Variants in PUS10 observed in about 807,000 individuals in gnomAD.
PUS10 encodes tRNA pseudouridine synthase Pus10.
In PUS10, 59 loss-of-function variants were observed where a neutral mutation model predicts 75.0. That is an observed-to-expected ratio of 0.79 (90% CI 0.64 to 0.98). The LOEUF (loss-of-function observed/expected upper bound fraction) is 0.98. PUS10 is among the 50% of genes least tolerant of loss of function. The pLI, the probability that PUS10 is intolerant of heterozygous loss-of-function variation, is 0.00. For synonymous variants in PUS10, 219 were observed against 211.6 expected (o/e 1.03, Z -0.30); for missense variants, 650 against 614.4 (o/e 1.06, Z -0.61).
At chr2:60,980,143 C>A (rs538820034) in intron 4 of PUS10, among the ~76,000 whole-genome samples, 2 of 152,242 alleles carry the variant, frequency 1.3e-5, no homozygotes, top group East Asian at 1.9e-4. Context: ...ACAGATATGG[C>A]TCAGTACTGT....
At chr2:60,990,532 G>A (rs549389499) in intron 4 of PUS10, among the ~76,000 whole-genome samples, 5 of 152,254 alleles carry the variant, frequency 3.3e-5, no homozygotes, top group South Asian at 4.1e-4. Flanking sequence ...AAATGGGGAC[G>A]AGAACAGTCC....
Position 60,942,196 on chromosome 2 carries a change from C to T in PUS10, c.*199G>A, listed in dbSNP as rs1181704501. 7.7e-5 allele frequency: 39 copies of T among 505,052 alleles called. No homozygotes were observed. The highest frequency in any genetic ancestry group is 2.0e-5 in the African/African-American group (1 of 51,046). 31.3% of individuals were successfully genotyped at this position (505,052 alleles called of 1,614,324 possible). On this transcript the variant is annotated 3_prime_UTR_variant, in exon 18 of 18. Transcript: ENST00000316752. Reference sequence around the variant, plus strand: ...GGAATGAGAAAAATCCTAAGACATCCTTGGAACAATTTAACACAAAATATA... The same window carrying T: ...GGAATGAGAAAAATCCTAAGACATCTTTGGAACAATTTAACACAAAATATA...
chr2:60,967,039 A>T (rs1044098106), intron 6 of PUS10: 1 of 153,670 alleles, frequency 6.5e-6, no homozygotes, highest in Non-Finnish European at 1.4e-5. Flanking sequence ...CTAAAAGTAA[A>T]CAGGGGGATT....
At chr2:60,991,882 T>C (rs1678106533) in intron 4 of PUS10, among the ~76,000 whole-genome samples, 1 of 152,206 alleles carries the variant, frequency 6.6e-6, no homozygotes, top group South Asian at 2.1e-4. Context: ...GCACAGACCA[T>C]ATGACCTCCA....
At chr2:61,001,204 C>T (rs552995262) in intron 4 of PUS10, among the ~76,000 whole-genome samples, 1 of 152,246 alleles carries the variant, frequency 6.6e-6, no homozygotes, top group African/African-American at 2.4e-5. Context: ...CACAAATCTT[C>T]CTTAGCAATT....
Position 61,006,657 on chromosome 2 carries a change from A to C in PUS10, c.382-14T>G. ...CTTTTGGCACACCTGAAAAAGCATT[A>C]CAATTATGTAAATTCCCAGGAATTG... On this transcript the variant is annotated splice_polypyrimidine_tract_variant and intron_variant, in intron 3 of 17. Transcript: ENST00000316752. The C allele has an allele frequency of 6.3e-7, 1 of 1,590,658 alleles. No homozygotes were observed. The highest frequency in any genetic ancestry group is 1.1e-5 in the South Asian group (1 of 88,516).
At chr2:60,954,879 C>T in intron 12 of PUS10, 139 bp downstream of exon 12, 1 of 503,444 alleles carries the variant, frequency 2.0e-6, no homozygotes, top group Middle Eastern at 3.0e-4. Context: ...CCTCCATAAT[C>T]CACAAAGCTT....
chr2:60,978,258 C>T (rs1049620036), intron 4 of PUS10, among the ~76,000 whole-genome samples: 2 of 151,722 alleles, frequency 1.3e-5, no homozygotes, highest in Non-Finnish European at 2.9e-5. Context: ...CCCATCTCTA[C>T]TAAAAATACA....
intron 4 of PUS10, among the ~76,000 whole-genome samples, chr2:60,982,636 A>G (rs1677469260): frequency 6.6e-6 from 1 of 152,156 alleles, no homozygotes; most frequent in African/African-American, 2.4e-5. Flanking sequence ...ATCTAATATC[A>G]TTTTATAAGT....
intron 4 of PUS10, among the ~76,000 whole-genome samples, chr2:60,993,031 G>A (rs1678211224): frequency 6.6e-6 from 1 of 152,178 alleles, no homozygotes; most frequent in Non-Finnish European, 1.5e-5. Context: ...TCTGGAGACT[G>A]CCATATATCC....
In PUS10 at chr2:61,018,232, G is replaced by T. The variant is rs1274716294; in HGVS notation, c.-240C>A. On this transcript the variant is annotated 5_prime_UTR_variant, in exon 1 of 18. Coordinates refer to ENST00000316752, the MANE Select transcript of PUS10 (RefSeq NM_144709.4). The stretch of plus-strand genomic sequence containing the variant: ...TGAGAGCGGCATTTGTCCAGCCACG[G>T]CATCGACAGGGAGCAAAGTCTCTCC... The T allele has an allele frequency of 1.3e-5, 20 of 1,550,984 alleles. No individual in the cohort carries two copies. In the East Asian group the frequency reaches 2.4e-4, roughly 19 times the overall value.
At position 60,941,692 on chromosome 2, in the gene PUS10, T is replaced by C. The variant is rs1345900822; in HGVS notation, c.*703A>G. On this transcript the variant is annotated 3_prime_UTR_variant, in exon 18 of 18. Coordinates refer to ENST00000316752, the MANE Select transcript of PUS10 (RefSeq NM_144709.4). The stretch of plus-strand genomic sequence containing the variant: ...CTTGTTTCTCCTTATTTAAAAGATT[T>C]ATGAAAGGCTCCTACCATGGCATGC... The C allele has an allele frequency of 2.0e-5, 3 of 152,344 alleles. No homozygotes were observed. The highest frequency in any genetic ancestry group is 2.9e-5 in the Non-Finnish European group (2 of 68,008). 9.4% of individuals were successfully genotyped at this position (152,344 alleles called of 1,614,324 possible).
At chr2:61,003,686 A>C (rs1679009597) in intron 4 of PUS10, among the ~76,000 whole-genome samples, 1 of 150,934 alleles carries the variant, frequency 6.6e-6, no homozygotes, top group African/African-American at 2.4e-5. Flanking sequence ...CTGGGACTAC[A>C]GATACGCATC....
chr2:60,987,673 C>T (rs1015005037), intron 4 of PUS10, among the ~76,000 whole-genome samples: 5 of 151,998 alleles, frequency 3.3e-5, no homozygotes, highest in African/African-American at 1.2e-4. Flanking sequence ...TGGCTCGTGC[C>T]GCACTTTGGG....
chr2:60,963,734 GAT>G (rs1676172574), intron 8 of PUS10, among the ~76,000 whole-genome samples: 1 of 152,036 alleles, frequency 6.6e-6, no homozygotes, highest in Non-Finnish European at 1.5e-5. Context: ...TGTTTGATAA[GAT>G]ATGAAATCTT....
intron 15 of PUS10, among the ~76,000 whole-genome samples, chr2:60,948,644 C>T (rs561046093): frequency 5.7e-4 from 86 of 152,174 alleles, no homozygotes; most frequent in African/African-American, 2.0e-3. Flanking sequence ...GTTATGAATA[C>T]ATCTTGTTTA....
At chr2:61,010,611 C>A in intron 2 of PUS10, 2 of 649,850 alleles carry the variant, frequency 3.1e-6, no homozygotes, top group South Asian at 2.1e-5. Flanking sequence ...AGGCGTGAGC[C>A]ACCGCACCCA....
chr2:61,016,174 C>G (rs966336950), intron 1 of PUS10, among the ~76,000 whole-genome samples: 3 of 152,218 alleles, frequency 2.0e-5, no homozygotes, highest in African/African-American at 7.2e-5. Context: ...TCTCCTGGCT[C>G]TGAGAAGTTC....
At chr2:60,992,069 T>C (rs1022312140) in intron 4 of PUS10, among the ~76,000 whole-genome samples, 23 of 151,470 alleles carry the variant, frequency 1.5e-4, no homozygotes, top group Admixed American at 2.6e-4. Context: ...TGGAGTATAG[T>C]GGTGCGATCT....
Sources: gnomAD v4.1 joint callset for allele counts (sites outside exome capture counted in the v4.1 genomes callset) on GRCh38, gnomAD v4.1.1 for gene constraint, MANE v1.5 for transcripts, NCBI Gene and HGNC (gene_info 2026-07-23, HGNC 2026-07-21) for gene names.